ZFR: variants seen among roughly 807,000 people sequenced by gnomAD.
The protein encoded by ZFR is zinc finger RNA-binding protein.
ZFR carries 19 observed loss-of-function variants against 130.7 expected under a neutral mutation model. The ratio of observed to expected loss-of-function variants is 0.15; its 90% CI spans 0.10 to 0.21. The LOEUF (loss-of-function observed/expected upper bound fraction) is 0.21. ZFR is among the 10% of genes least tolerant of loss of function. The pLI is 1.00. For synonymous variants in ZFR, 466 were observed against 456.9 expected (o/e 1.02, Z -0.25); for missense variants, 872 against 1,321.5 (o/e 0.66, Z 5.27).
chr5:32,407,239 T>C (rs773003913), intron 5 of ZFR, among the ~76,000 whole-genome samples: 16 of 151,882 alleles, frequency 1.1e-4, no homozygotes, highest in Non-Finnish European at 1.5e-4. Flanking sequence ...TATAGAGGTA[T>C]AAAGACAGTG....
chr5:32,418,012 G>C (rs890391082), intron 3 of ZFR, among the ~76,000 whole-genome samples: 1 of 152,168 alleles, frequency 6.6e-6, no homozygotes, highest in African/African-American at 2.4e-5. Context: ...TGTAATCCCA[G>C]CACTTTGGGA....
chr5:32,364,244 C>T lies in ZFR; in HGVS notation c.2867G>A (p.Ser956Asn), dbSNP rs1304935261. 3.1e-6 allele frequency: 5 copies of T among 1,610,132 alleles called. No homozygotes were observed. The highest frequency in any genetic ancestry group is 4.2e-6 in the Non-Finnish European group (5 of 1,177,032). Residue 956 changes from serine (S) to asparagine (N), a missense_variant, in exon 18 of 20, where the codon AGC (serine) becomes AAC (asparagine). Physicochemically the swap from Ser to Asn is conservative, Grantham distance 46. Transcript: ENST00000265069. Reference protein sequence around the residue: ...AMELLVEKAISSASSPQSPGD... With the variant: ...AMELLVEKAINSASSPQSPGD... ...AGGGCTCTGAGGGCTAGAAGCACTG[C>T]TGATTGCTTTCTCTACTAGTAACTC...
chr5:32,370,351 G>GAGAGAGAGAC (rs1240679335), intron 17 of ZFR, among the ~76,000 whole-genome samples: 2 of 1,664 alleles, frequency 1.2e-3, no homozygotes, highest in Admixed American at 4.8e-3. Flanking sequence ...GAGAGAGAGA[G>GAGAGAGAGAC]AGACAGACAG....
chr5:32,358,194 TA>T (rs1390117066), intron 19 of ZFR, among the ~76,000 whole-genome samples: 2 of 152,128 alleles, frequency 1.3e-5, no homozygotes, highest in Non-Finnish European at 2.9e-5. Flanking sequence ...CCATCTCTAC[TA>T]AAAATAGAAA....
intron 5 of ZFR, among the ~76,000 whole-genome samples, chr5:32,411,717 C>CAGA (rs1753717179): frequency 2.4e-5 from 1 of 41,202 alleles, no homozygotes; most frequent in Non-Finnish European, 4.3e-5. Flanking sequence ...TGAGGGGGGG[C>CAGA]GGGGAATAGA....
chr5:32,380,369 A>G, intron 15 of ZFR, 197 bp from the exon 16 acceptor site: 4 of 446,726 alleles, frequency 9.0e-6, no homozygotes, highest in Admixed American at 3.4e-5. Flanking sequence ...TTAATTTAGT[A>G]ATATAATAAA....
At chr5:32,400,254 T>A in intron 8 of ZFR, 51 bp from the exon 9 acceptor site, 1 of 1,322,996 alleles carries the variant, frequency 7.6e-7, no homozygotes, top group Non-Finnish European at 9.9e-7. Context: ...TATAAATATA[T>A]ATACCTGATA....
intron 17 of ZFR, among the ~76,000 whole-genome samples, chr5:32,373,900 T>C (rs1752736228): frequency 6.6e-6 from 1 of 152,180 alleles, no homozygotes; most frequent in Non-Finnish European, 1.5e-5. Flanking sequence ...GCTCCTTCAA[T>C]TCCTTTGACC....
rs182470204 is a variant in ZFR, at chr5:32,431,271, G to A, written c.138-11168C>T. Among the ~76,000 whole-genome samples the A allele has an allele frequency of 6.3e-4, 96 of 152,194 alleles. 2 individuals carry two copies. The East Asian group carries it at 0.011, about 18-fold the overall frequency. ...ATTGTGTCCAACAGTAATTGGTCAC[G>A]GGGTTAAAAAAATCTGAGCTATCAT... On this transcript the variant is annotated intron_variant, in intron 2 of 19. Coordinates refer to ENST00000265069, the MANE Select transcript of ZFR (RefSeq NM_016107.5).
At chr5:32,397,054 C>A (rs72735339) in intron 10 of ZFR, among the ~76,000 whole-genome samples, 165 bp downstream of exon 10, 9,667 of 152,212 alleles carry the variant, frequency 0.064, 417 homozygotes, top group Non-Finnish European at 0.099. Flanking sequence ...TAAATAAAAA[C>A]CAAACATCCA....
chr5:32,444,077 G>A (rs1754540689), intron 2 of ZFR, 152 bp downstream of exon 2: 2 of 584,348 alleles, frequency 3.4e-6, no homozygotes, highest in South Asian at 6.8e-5. Context: ...GGGCGGGGCG[G>A]GGCGGGAGAG....
chr5:32,430,035 TGTTGCCTGGGATGTAGCCTGGGTGAC>T, intron 2 of ZFR, among the ~76,000 whole-genome samples: 1 of 142,194 alleles, frequency 7.0e-6, no homozygotes, highest in South Asian at 2.2e-4. Context: ...TCCTGGGTGA[TGTTGCCTGGGATGTAGCCTGGGTGAC>T]AGAGTGAGAC....
At chr5:32,386,872 C>T (rs1487042634) in intron 14 of ZFR, among the ~76,000 whole-genome samples, 6 of 152,036 alleles carry the variant, frequency 3.9e-5, no homozygotes, top group Non-Finnish European at 8.8e-5. Context: ...TATTAAATTG[C>T]TAGTTTTATA....
At chr5:32,408,915 G>T (rs988540908) in intron 5 of ZFR, among the ~76,000 whole-genome samples, 2 of 152,108 alleles carry the variant, frequency 1.3e-5, no homozygotes, top group African/African-American at 4.8e-5. Flanking sequence ...CTCAAAAGTT[G>T]CCTGACTACT....
chr5:32,355,430 CA>C lies in ZFR; in HGVS notation c.*329del, dbSNP rs1561850292. 1 of 171,420 alleles carries C rather than the reference CA, an allele frequency of 5.8e-6. No homozygotes were observed. The highest frequency in any genetic ancestry group is 2.4e-5 in the African/African-American group (1 of 42,088). The allele number at this position is 171,420 out of a possible 1,614,324, so 10.6% of individuals were successfully genotyped here. ...TGAAGCACACATCCTGCATTAAATACAGTGAAGATTTAATAAGACAATGCAC... is the reference window on the plus strand; with the variant it reads ...TGAAGCACACATCCTGCATTAAATACGTGAAGATTTAATAAGACAATGCAC... On this transcript the variant is annotated 3_prime_UTR_variant, in exon 20 of 20. Coordinates refer to ENST00000265069, the MANE Select transcript of ZFR (RefSeq NM_016107.5).
intron 17 of ZFR, among the ~76,000 whole-genome samples, chr5:32,367,563 C>T (rs944040117): frequency 6.6e-6 from 1 of 152,030 alleles, no homozygotes; most frequent in Non-Finnish European, 1.5e-5. Flanking sequence ...ACTACAGAAC[C>T]CACTACCATG....
At chr5:32,363,636 A>G (rs1232771375) in intron 19 of ZFR, among the ~76,000 whole-genome samples, 1 of 152,218 alleles carries the variant, frequency 6.6e-6, no homozygotes, top group Non-Finnish European at 1.5e-5. Flanking sequence ...AGGACATAAG[A>G]ATTTCTGCTG....
chr5:32,379,053 G>C, intron 17 of ZFR, 62 bp downstream of exon 17: 1 of 1,243,268 alleles, frequency 8.0e-7, no homozygotes, highest in South Asian at 1.2e-5. Context: ...TAAACTGAGA[G>C]GATAAAAGCT....
chr5:32,398,278 T>C (rs1348543677), intron 9 of ZFR, among the ~76,000 whole-genome samples: 1 of 152,214 alleles, frequency 6.6e-6, no homozygotes, highest in Non-Finnish European at 1.5e-5. Context: ...TTCTTGAAAA[T>C]GAAGATAACG....
Sources: allele counts gnomAD v4.1 joint callset (sites outside exome capture counted in the v4.1 genomes callset), GRCh38; gene constraint gnomAD v4.1.1; transcripts MANE v1.5; gene names NCBI Gene and HGNC (gene_info 2026-07-23, HGNC 2026-07-21).